Variants in NR2C1 observed in about 807,000 individuals in gnomAD.
NR2C1 encodes TR2 nuclear hormone receptor.
In NR2C1, 33 loss-of-function variants were observed where a neutral mutation model predicts 74.8. The observed-to-expected ratio is 0.44, with a 90% CI of 0.33 to 0.59. NR2C1 has a LOEUF of 0.59. NR2C1 is among the 20% of genes least tolerant of loss of function. The pLI is 0.02. For synonymous variants in NR2C1, 225 were observed against 240.6 expected (o/e 0.94, Z 0.60); for missense variants, 568 against 715.6 (o/e 0.79, Z 2.35).
chr12:95,048,466 A>G (rs12579299), intron 9 of NR2C1, among the ~76,000 whole-genome samples: 28,713 of 152,214 alleles, frequency 0.19, 2,949 homozygotes, highest in Non-Finnish European at 0.21. Context: ...AACTGCTATT[A>G]TAACTGACTT....
chr12:95,062,427 T>A, intron 3 of NR2C1, 81 bp downstream of exon 3: 1 of 905,820 alleles, frequency 1.1e-6, no homozygotes, highest in Non-Finnish European at 1.7e-6. Flanking sequence ...TACATAGATC[T>A]AAAGTCTTCA....
intron 10 of NR2C1, among the ~76,000 whole-genome samples, chr12:95,031,712 A>G (rs887644439): frequency 6.6e-6 from 1 of 152,198 alleles, no homozygotes; most frequent in African/African-American, 2.4e-5. Flanking sequence ...GTTTATAAGA[A>G]CAATTGCAAG....
chr12:95,032,150 G>A (rs562315472), intron 10 of NR2C1, among the ~76,000 whole-genome samples: 19 of 152,378 alleles, frequency 1.2e-4, no homozygotes, highest in African/African-American at 4.6e-4. Flanking sequence ...TTACAGGCGT[G>A]AGCCACTGCT....
intron 1 of NR2C1, among the ~76,000 whole-genome samples, chr12:95,071,126 G>A (rs1211720076): frequency 6.6e-6 from 1 of 152,054 alleles, no homozygotes; most frequent in Non-Finnish European, 1.5e-5. Context: ...GCTTGAACCT[G>A]GGAGGTGGAG....
intron 11 of NR2C1, chr12:95,030,679 TAAG>T: frequency 1.2e-6 from 2 of 1,605,076 alleles, no homozygotes; most frequent in Non-Finnish European, 1.7e-6. Context: ...TATAAAACAA[TAAG>T]AAATAGAATA....
chr12:95,061,336 A>G (rs746990603), intron 3 of NR2C1, among the ~76,000 whole-genome samples: 3 of 152,230 alleles, frequency 2.0e-5, no homozygotes, highest in South Asian at 2.1e-4. Context: ...CTCATTAATT[A>G]TATCATGAAT....
At chr12:95,041,496 CA>C in intron 9 of NR2C1, among the ~76,000 whole-genome samples, 1 of 151,658 alleles carries the variant, frequency 6.6e-6, no homozygotes, top group East Asian at 1.9e-4. Context: ...CAAAACAAAA[CA>C]AAAAAACCCA....
chr12:95,066,467 T>A (rs1468335457), intron 2 of NR2C1, among the ~76,000 whole-genome samples: 2 of 152,184 alleles, frequency 1.3e-5, no homozygotes, highest in Non-Finnish European at 2.9e-5. Flanking sequence ...TTAAAGAAAA[T>A]TCAGCTTCGT....
chr12:95,070,220 C>T (rs1397948647), intron 1 of NR2C1, among the ~76,000 whole-genome samples: 1 of 152,154 alleles, frequency 6.6e-6, no homozygotes, highest in African/African-American at 2.4e-5. Flanking sequence ...CAACCTCTGC[C>T]TCCCAGGTTC....
At chr12:95,030,639 A>G (rs376546746) in intron 11 of NR2C1, 10 of 1,611,972 alleles carry the variant, frequency 6.2e-6, no homozygotes, top group Admixed American at 1.7e-5. Context: ...GCTGTTAAAC[A>G]TAAGGAGGAA....
intron 10 of NR2C1, among the ~76,000 whole-genome samples, chr12:95,037,002 T>C (rs1031950996): frequency 6.6e-6 from 1 of 152,224 alleles, no homozygotes; most frequent in Non-Finnish European, 1.5e-5. Flanking sequence ...ACTACAAAGT[T>C]ACAGGAAACA....
At chr12:95,032,827 G>A (rs1870312445) in intron 10 of NR2C1, among the ~76,000 whole-genome samples, 1 of 152,116 alleles carries the variant, frequency 6.6e-6, no homozygotes, top group African/African-American at 2.4e-5. Flanking sequence ...AATTAGCTGG[G>A]TGTGGAGGTG....
chr12:95,021,478 A>G lies in NR2C1; in HGVS notation c.*751T>C, dbSNP rs935778188. On this transcript the variant is annotated 3_prime_UTR_variant, in exon 14 of 14. Transcript: ENST00000333003. ...CTGGGCAACAGTGAAACCCACCTCT[A>G]TAAACGAAAACAAAAACAAAAACAC... 1.3e-5 allele frequency: 2 copies of G among 152,060 alleles called. No homozygotes were observed. Among genetic ancestry groups the G allele is most frequent in the East Asian group, 1.9e-4 (1 of 5,144 alleles). 9.4% of individuals were successfully genotyped at this position (152,060 alleles called of 1,614,324 possible).
At chr12:95,041,244 T>A (rs1032095191) in intron 9 of NR2C1, among the ~76,000 whole-genome samples, 1 of 152,080 alleles carries the variant, frequency 6.6e-6, no homozygotes, top group Non-Finnish European at 1.5e-5. Flanking sequence ...TCCCAGCACT[T>A]TGGGAGGTGG....
chr12:95,050,311 T>C (rs76667865), intron 8 of NR2C1, among the ~76,000 whole-genome samples: 3,019 of 152,262 alleles, frequency 0.02, 91 homozygotes, highest in African/African-American at 0.069. Context: ...ATATATATTA[T>C]GTTTTGTTGT....
chr12:95,022,309 G>T lies in NR2C1; in HGVS notation c.1732C>A (p.Arg578=), dbSNP rs1868851784. Residue 578 remains arginine, a synonymous_variant, in exon 14 of 14, where the codon CGA becomes AGA. Transcript: ENST00000333003. ...LFFKGLIGNI[R]IDSVIPHILK... is the part of the protein sequence containing the mutation. ...ATATGTGGGATAACACTGTCAATTC[G>T]TATATTGCCAATGAGACCTTTGAAA... 1.9e-6 allele frequency: 3 copies of T among 1,612,332 alleles called. No individual in the cohort carries two copies. Among genetic ancestry groups the T allele is most frequent in the Non-Finnish European group, 2.5e-6 (3 of 1,178,708 alleles).
chr12:95,056,974 A>C (rs11107878), intron 7 of NR2C1, among the ~76,000 whole-genome samples: 38,272 of 150,054 alleles, frequency 0.26, 5,244 homozygotes, highest in Non-Finnish European at 0.27. Flanking sequence ...AAAAAAAAAA[A>C]AGACTTTTAC....
Position 95,041,031 on chromosome 12 carries a change from C to G in NR2C1, c.1132-434G>C, listed in dbSNP as rs555925439. Among the ~76,000 whole-genome samples, 3 of 152,310 alleles carry G rather than the reference C, an allele frequency of 2.0e-5. No homozygotes were observed. The South Asian group carries it at 6.2e-4, about 32-fold the overall frequency. The stretch of plus-strand genomic sequence containing the variant: ...AAAGCCAGGAGAGTAAGGAGTGCAA[C>G]AGGCTTGCTGGTACCAACTGGGAAG... On this transcript the variant is annotated intron_variant, in intron 9 of 13. Transcript: ENST00000333003.
Position 95,059,317 on chromosome 12 carries a change from T to A in NR2C1, c.364+589A>T, listed in dbSNP as rs943558282. On this transcript the variant is annotated intron_variant, in intron 4 of 13. Coordinates refer to ENST00000333003, the MANE Select transcript of NR2C1 (RefSeq NM_003297.4). ...ACTCCATCTCAAAAAAAAAAAAAAT[T>A]TTTTTTTTACATGTTCACTTTCAAA... Among the ~76,000 whole-genome samples, 21 of 146,034 alleles carry A rather than the reference T, an allele frequency of 1.4e-4. No individual in the cohort carries two copies. In the East Asian group the frequency reaches 1.6e-3, roughly 11 times the overall value.
Sources: allele counts gnomAD v4.1 joint callset (sites outside exome capture counted in the v4.1 genomes callset), GRCh38; gene constraint gnomAD v4.1.1; transcripts MANE v1.5; gene names NCBI Gene and HGNC (gene_info 2026-07-23, HGNC 2026-07-21).